THADA: variants seen among roughly 807,000 people sequenced by gnomAD.
The protein encoded by THADA is tRNA (32-2'-O)-methyltransferase regulator THADA.
In THADA, 213 loss-of-function variants were observed where a neutral mutation model predicts 219.8. The observed-to-expected ratio is 0.97, with a 90% CI of 0.87 to 1.09. THADA has a LOEUF of 1.09. Ranked by LOEUF, THADA falls within the 50% of genes least tolerant of loss-of-function variation. The pLI is 0.00. For synonymous variants in THADA, 1,018 were observed against 828.9 expected (o/e 1.23, Z -3.92); for missense variants, 2,956 against 2,311.3 (o/e 1.28, Z -5.72).
In THADA at chr2:43,577,081, A is replaced by C. The variant is rs1316929231; in HGVS notation, c.978T>G (p.Gly326=). 6.2e-7 allele frequency: 1 copy of C among 1,613,532 alleles called. No individual in the cohort carries two copies. The highest frequency in any genetic ancestry group is 1.7e-5 in the Admixed American group (1 of 59,938). ...CCAAGAGCAGGGCCTCCCCACTCCG[A>C]CCCATGCTTCCGTTCTGCCAGTCCA... is the stretch of plus-strand genomic sequence containing the variant. ...AMLDWQNGSM[G]RSGEALLLDT... is the part of the protein sequence containing the mutation. Residue 326 remains glycine (G), a synonymous_variant, in exon 10 of 38, where the codon GGT becomes GGG. Coordinates refer to ENST00000405975, the MANE Select transcript of THADA (RefSeq NM_022065.5).
At chr2:43,350,753 C>A (rs1477871943) in intron 29 of THADA, among the ~76,000 whole-genome samples, 5 of 152,182 alleles carry the variant, frequency 3.3e-5, no homozygotes, top group Non-Finnish European at 7.3e-5. Flanking sequence ...TGCTAGAGGG[C>A]CAGCCAGGAA....
chr2:43,456,508 C>G (rs1683014831), intron 26 of THADA, among the ~76,000 whole-genome samples: 1 of 151,992 alleles, frequency 6.6e-6, no homozygotes, highest in Admixed American at 6.6e-5. Context: ...GCAGTGTAAC[C>G]TTGGGTGATT....
chr2:43,354,849 G>A (rs566240213), intron 29 of THADA, among the ~76,000 whole-genome samples: 1 of 152,242 alleles, frequency 6.6e-6, no homozygotes, highest in South Asian at 2.1e-4. Context: ...TTGAATCATG[G>A]GGGTGGTTAT....
At chr2:43,364,465 T>A (rs1017834630) in intron 29 of THADA, among the ~76,000 whole-genome samples, 82 of 152,146 alleles carry the variant, frequency 5.4e-4, no homozygotes, top group African/African-American at 2.0e-3. Flanking sequence ...AGCCCTTAGC[T>A]TCTACCCATC....
chr2:43,239,906 G>C (rs1668439759), intron 36 of THADA, among the ~76,000 whole-genome samples: 1 of 152,184 alleles, frequency 6.6e-6, no homozygotes, highest in African/African-American at 2.4e-5. Context: ...CTACCCACAA[G>C]TATTTATTGA....
intron 14 of THADA, among the ~76,000 whole-genome samples, chr2:43,568,285 T>C (rs991909636): frequency 1.3e-5 from 2 of 152,236 alleles, no homozygotes; most frequent in Non-Finnish European, 2.9e-5. Context: ...AGGTATAAAA[T>C]AATCTCCACT....
chr2:43,279,146 C>T (rs951936421), intron 36 of THADA, among the ~76,000 whole-genome samples: 1 of 152,174 alleles, frequency 6.6e-6, no homozygotes, highest in Non-Finnish European at 1.5e-5. Context: ...GTAGCATTTG[C>T]CATTACATGC....
chr2:43,382,712 A>G (rs1017363592), intron 29 of THADA, among the ~76,000 whole-genome samples: 1 of 152,232 alleles, frequency 6.6e-6, no homozygotes, highest in African/African-American at 2.4e-5. Context: ...CTGCTGCACT[A>G]AAATGTATAG....
chr2:43,232,850 C>G lies in THADA; in HGVS notation c.5329G>C (p.Ala1777Pro). 4 of 1,611,576 alleles carry G rather than the reference C, an allele frequency of 2.5e-6. No homozygotes were observed. The highest frequency in any genetic ancestry group is 3.4e-6 in the Non-Finnish European group (4 of 1,179,064). The stretch of plus-strand genomic sequence containing the variant: ...AGGACGGCCAGGGCCAGGGCCAGAG[C>G]GATGGAGGCATCCACCTGGCAGAAG... Reference protein sequence around the residue: ...FAFCQVDASIALALALAVLCD... With the variant: ...FAFCQVDASIPLALALAVLCD... Residue 1777 changes from alanine (A) to proline (P), a missense_variant, in exon 37 of 38, where the codon GCT becomes CCT. Coordinates refer to ENST00000405975, the MANE Select transcript of THADA (RefSeq NM_022065.5).
At chr2:43,403,634 CT>C (rs992529929) in intron 28 of THADA, among the ~76,000 whole-genome samples, 46 of 152,242 alleles carry the variant, frequency 3.0e-4, no homozygotes, top group African/African-American at 1.1e-3. Context: ...TCCCCATTTC[CT>C]GGCCCACCTC....
chr2:43,443,890 G>C (rs535190951), intron 26 of THADA, among the ~76,000 whole-genome samples: 1 of 152,320 alleles, frequency 6.6e-6, no homozygotes, highest in East Asian at 1.9e-4. Context: ...CAGAGAGCAA[G>C]AGTGGCGGTA....
intron 26 of THADA, among the ~76,000 whole-genome samples, chr2:43,468,179 A>C (rs1684487250): frequency 6.6e-6 from 1 of 152,268 alleles, no homozygotes; most frequent in Admixed American, 6.5e-5. Context: ...CGGTGACTAA[A>C]CATGAATCAT....
chr2:43,522,987 TAATTA>T (rs1422212281), intron 22 of THADA, among the ~76,000 whole-genome samples: 6 of 152,062 alleles, frequency 3.9e-5, no homozygotes, highest in African/African-American at 1.4e-4. Context: ...ATTCTTTATT[TAATTA>T]TTCATATTTC....
chr2:43,520,120 G>T (rs1037216777), intron 22 of THADA, among the ~76,000 whole-genome samples: 4 of 152,184 alleles, frequency 2.6e-5, no homozygotes, highest in African/African-American at 9.7e-5. Flanking sequence ...AGGTTCTCGA[G>T]TGAAACAGTC....
chr2:43,502,584 CAA>C (rs1172070049), intron 24 of THADA, among the ~76,000 whole-genome samples: 1 of 74,188 alleles, frequency 1.3e-5, no homozygotes, highest in Admixed American at 1.5e-4. Flanking sequence ...GACCTCGTCT[CAA>C]AAAAAAAAAA....
At chr2:43,544,490 A>T (rs1044775675) in intron 20 of THADA, among the ~76,000 whole-genome samples, 1 of 152,168 alleles carries the variant, frequency 6.6e-6, no homozygotes, top group Admixed American at 6.5e-5. Context: ...CATGATATTG[A>T]TTCTTCCTAC....
chr2:43,465,539 AAC>A (rs1271832921), intron 26 of THADA, among the ~76,000 whole-genome samples: 1 of 152,150 alleles, frequency 6.6e-6, no homozygotes, highest in Non-Finnish European at 1.5e-5. Flanking sequence ...TTTCCAGAAA[AAC>A]ACAACACAAC....
chr2:43,353,707 G>C (rs1225814769), intron 29 of THADA, among the ~76,000 whole-genome samples: 1 of 152,074 alleles, frequency 6.6e-6, no homozygotes, highest in Non-Finnish European at 1.5e-5. Flanking sequence ...CCATGCTGGA[G>C]TGTGGTGGCA....
intron 29 of THADA, among the ~76,000 whole-genome samples, chr2:43,375,468 T>C (rs1671268547): frequency 6.6e-6 from 1 of 152,210 alleles, no homozygotes; most frequent in African/African-American, 2.4e-5. Context: ...AAATGATAAG[T>C]ATACTTGGGG....
Sources: gnomAD v4.1 joint callset for allele counts (sites outside exome capture counted in the v4.1 genomes callset) on GRCh38, gnomAD v4.1.1 for gene constraint, MANE v1.5 for transcripts, NCBI Gene and HGNC (gene_info 2026-07-23, HGNC 2026-07-21) for gene names.